CDH13: variants seen among roughly 807,000 people sequenced by gnomAD.
CDH13 encodes the protein cadherin 13.
A neutral mutation model predicts 63.8 loss-of-function variants in CDH13; 24 were observed. The observed-to-expected ratio is 0.38, with a 90% CI of 0.27 to 0.53. CDH13 has a LOEUF of 0.53. Ranked by LOEUF, CDH13 falls within the 20% of genes least tolerant of loss-of-function variation. The probability of loss-of-function intolerance (pLI) is 0.85; values close to 1 mark genes in which losing one functional copy is unlikely to be tolerated. For synonymous variants in CDH13, 503 were observed against 355.3 expected (o/e 1.42, Z -4.67); for missense variants, 1,049 against 903.1 (o/e 1.16, Z -2.07).
At chr16:83,576,385 G>C (rs112910002) in intron 7 of CDH13, among the ~76,000 whole-genome samples, 4,401 of 152,258 alleles carry the variant, frequency 0.029, 149 homozygotes, top group African/African-American at 0.074. Context: ...TATGGGTGGA[G>C]CACATTTTGT....
intron 11 of CDH13, among the ~76,000 whole-genome samples, chr16:83,756,871 C>T (rs539511646): frequency 4.1e-4 from 62 of 152,134 alleles, no homozygotes; most frequent in African/African-American, 1.4e-3. Flanking sequence ...ATATCAGCTT[C>T]AAGAAAAAAC....
At chr16:83,350,217 G>T (rs991924848) in intron 6 of CDH13, among the ~76,000 whole-genome samples, 1 of 152,124 alleles carries the variant, frequency 6.6e-6, no homozygotes, top group Non-Finnish European at 1.5e-5. Flanking sequence ...GGTTGTGTTC[G>T]CTCTCCTGGC....
At chr16:83,356,821 A>G (rs897061790) in intron 6 of CDH13, among the ~76,000 whole-genome samples, 6 of 152,202 alleles carry the variant, frequency 3.9e-5, no homozygotes, top group African/African-American at 1.4e-4. Context: ...AAAAAGTTTA[A>G]TAGACTTACA....
chr16:82,979,453 G>A (rs1039830384), intron 2 of CDH13, among the ~76,000 whole-genome samples: 2 of 152,088 alleles, frequency 1.3e-5, no homozygotes, highest in South Asian at 2.1e-4. Flanking sequence ...AGGGACGTGG[G>A]GGGAGACGAC....
At chr16:83,200,478 C>G (rs546764025) in intron 4 of CDH13, among the ~76,000 whole-genome samples, 4 of 152,312 alleles carry the variant, frequency 2.6e-5, no homozygotes, top group African/African-American at 9.6e-5. Context: ...GATCTCCTCA[C>G]TTTTCTCTCA....
intron 4 of CDH13, among the ~76,000 whole-genome samples, chr16:83,169,776 T>A (rs992413370): frequency 6.6e-6 from 1 of 152,130 alleles, no homozygotes. Flanking sequence ...TACTGAATTT[T>A]TAAATCTTTA....
At chr16:83,025,830 A>G (rs1374255317) in intron 2 of CDH13, among the ~76,000 whole-genome samples, 2 of 152,200 alleles carry the variant, frequency 1.3e-5, no homozygotes, top group East Asian at 3.9e-4. Flanking sequence ...CAAAGAGTTT[A>G]TAATGTAAGG....
At chr16:82,706,648 A>G (rs2031515984) in intron 1 of CDH13, among the ~76,000 whole-genome samples, 1 of 151,918 alleles carries the variant, frequency 6.6e-6, no homozygotes, top group East Asian at 1.9e-4. Flanking sequence ...TAAAAAAAAA[A>G]AAAACATTAG....
At chr16:83,775,272 T>A (rs1915029983) in intron 11 of CDH13, among the ~76,000 whole-genome samples, 1 of 151,830 alleles carries the variant, frequency 6.6e-6, no homozygotes, top group African/African-American at 2.4e-5. Context: ...TCTGCGTGTC[T>A]GTGGACTCTT....
intron 2 of CDH13, among the ~76,000 whole-genome samples, chr16:82,919,527 A>G (rs2042091024): frequency 6.6e-6 from 1 of 152,146 alleles, no homozygotes; most frequent in South Asian, 2.1e-4. Context: ...GTGTTCCTGA[A>G]AAGGTCATGA....
chr16:83,510,114 C>A (rs942672904), intron 7 of CDH13, among the ~76,000 whole-genome samples: 1 of 152,128 alleles, frequency 6.6e-6, no homozygotes, highest in Non-Finnish European at 1.5e-5. Context: ...ACGAGTCTGA[C>A]GGCTTTTTCT....
intron 2 of CDH13, among the ~76,000 whole-genome samples, chr16:82,969,235 T>A (rs953510769): frequency 1.3e-5 from 2 of 152,234 alleles, no homozygotes; most frequent in Non-Finnish European, 2.9e-5. Flanking sequence ...GTAGGTGATA[T>A]AGTTTCTCTT....
chr16:82,815,947 A>C (rs2037685530), intron 1 of CDH13, among the ~76,000 whole-genome samples: 1 of 152,206 alleles, frequency 6.6e-6, no homozygotes, highest in Non-Finnish European at 1.5e-5. Flanking sequence ...GGACTGATAA[A>C]ATACATAACT....
chr16:83,385,802 C>T (rs1180499058), intron 6 of CDH13, among the ~76,000 whole-genome samples: 2 of 152,178 alleles, frequency 1.3e-5, no homozygotes, highest in East Asian at 3.9e-4. Context: ...CTAAAGATTC[C>T]CGGCATGTCC....
In CDH13 at chr16:82,633,270, A is replaced by G. The variant is rs943097577; in HGVS notation, c.45+6133A>G. Among the ~76,000 whole-genome samples the G allele has an allele frequency of 3.9e-5, 6 of 152,264 alleles. 1 individual carries two copies. The highest frequency in any genetic ancestry group is 4.1e-4 in the South Asian group (2 of 4,836). ...GCTCCCTCACGGTATAGACATAACC[A>G]GAACGTCACAATAACTTACTCTACT... On this transcript the variant is annotated intron_variant, in intron 1 of 13. Coordinates refer to ENST00000567109, the MANE Select transcript of CDH13 (RefSeq NM_001257.5).
At chr16:83,344,761 C>T in intron 5 of CDH13, 101 bp from the exon 6 acceptor site, 1 of 1,271,790 alleles carries the variant, frequency 7.9e-7, no homozygotes, top group Non-Finnish European at 1.1e-6. Context: ...GCCAAGGGCT[C>T]ATAAAATTGT....
chr16:82,888,008 T>C (rs2040949920), intron 2 of CDH13, among the ~76,000 whole-genome samples: 1 of 152,114 alleles, frequency 6.6e-6, no homozygotes, highest in African/African-American at 2.4e-5. Context: ...TTCAGAAAAG[T>C]ACGGTTTTGG....
intron 2 of CDH13, among the ~76,000 whole-genome samples, chr16:82,963,145 C>T (rs1041979651): frequency 4.0e-5 from 6 of 149,636 alleles, no homozygotes; most frequent in Admixed American, 2.0e-4. Context: ...CTGAGGCGGG[C>T]AGATCACCTG....
chr16:83,510,440 T>C (rs2074530513), intron 7 of CDH13, among the ~76,000 whole-genome samples: 1 of 152,210 alleles, frequency 6.6e-6, no homozygotes, highest in South Asian at 2.1e-4. Context: ...CTAATGGATA[T>C]TAAAAATACA....
Sources: allele counts gnomAD v4.1 joint callset (sites outside exome capture counted in the v4.1 genomes callset), GRCh38; gene constraint gnomAD v4.1.1; transcripts MANE v1.5; gene names NCBI Gene and HGNC (gene_info 2026-07-23, HGNC 2026-07-21).